WWP2: variants seen among roughly 807,000 people sequenced by gnomAD.
The protein encoded by WWP2 is NEDD4-like E3 ubiquitin-protein ligase WWP2.
In WWP2, 57 loss-of-function variants were observed where a neutral mutation model predicts 121.0. That is an observed-to-expected ratio of 0.47 (90% CI 0.38 to 0.59). The LOEUF (loss-of-function observed/expected upper bound fraction) is 0.59, where lower values mean the gene tolerates loss of function less well. Ranked by LOEUF, WWP2 falls within the 20% of genes least tolerant of loss-of-function variation. WWP2 has a pLI of 0.00. For synonymous variants in WWP2, 449 were observed against 441.3 expected (o/e 1.02, Z -0.22); for missense variants, 962 against 1,158.9 (o/e 0.83, Z 2.47).
At chr16:69,814,833 T>A (rs2056459472) in intron 4 of WWP2, among the ~76,000 whole-genome samples, 1 of 152,102 alleles carries the variant, frequency 6.6e-6, no homozygotes, top group Admixed American at 6.6e-5. Flanking sequence ...TATTTTAAAG[T>A]AAACACAGCA....
At position 69,933,376 on chromosome 16, in the gene WWP2, G is replaced by A. The variant is rs73576178; in HGVS notation, c.1683-594G>A. Among the ~76,000 whole-genome samples, 585 of 152,300 alleles carry A rather than the reference G, an allele frequency of 3.8e-3. 2 individuals are homozygous for A. The highest frequency in any genetic ancestry group is 0.013 in the African/African-American group (556 of 41,550). The stretch of plus-strand genomic sequence containing the variant: ...GTGTGGGAACGGGGATGGTGTTGGG[G>A]TCTGGGGGTGAAGGGAGGGCAAAGT... On this transcript the variant is annotated intron_variant, in intron 16 of 23. Transcript: ENST00000359154.
intron 6 of WWP2, among the ~76,000 whole-genome samples, chr16:69,870,090 A>G (rs980473900): frequency 6.6e-6 from 1 of 152,112 alleles, no homozygotes; most frequent in Non-Finnish European, 1.5e-5. Flanking sequence ...TCTTTGCATC[A>G]TTTGGCTTAC....
At chr16:69,862,441 A>C (rs879939301) in intron 6 of WWP2, among the ~76,000 whole-genome samples, 2 of 150,956 alleles carry the variant, frequency 1.3e-5, no homozygotes, top group Non-Finnish European at 3.0e-5. Context: ...CTCTCAGCTC[A>C]CTGCAGCCTC....
At chr16:69,907,694 G>A (rs982002585) in intron 8 of WWP2, among the ~76,000 whole-genome samples, 4 of 152,186 alleles carry the variant, frequency 2.6e-5, no homozygotes, top group Non-Finnish European at 5.9e-5. Context: ...TCGGGCTTGT[G>A]TATTATCTCT....
At chr16:69,922,153 G>A (rs1597164713) in intron 10 of WWP2, among the ~76,000 whole-genome samples, 2 of 148,336 alleles carry the variant, frequency 1.3e-5, no homozygotes, top group South Asian at 2.1e-4. Context: ...TTGCATTATC[G>A]AGAAACAGAC....
At chr16:69,843,625 T>G (rs1388082365) in intron 6 of WWP2, among the ~76,000 whole-genome samples, 2 of 152,118 alleles carry the variant, frequency 1.3e-5, no homozygotes, top group Non-Finnish European at 2.9e-5. Flanking sequence ...CCAGCTCTTT[T>G]GGAAGATCAA....
chr16:69,774,047 GT>G (rs34176259), intron 1 of WWP2, among the ~76,000 whole-genome samples: 12,213 of 150,660 alleles, frequency 0.081, 610 homozygotes, highest in South Asian at 0.21. Flanking sequence ...GGTCAGTGTT[GT>G]TTTTTTTTAA....
intron 4 of WWP2, among the ~76,000 whole-genome samples, chr16:69,806,163 T>C (rs2056270416): frequency 6.6e-6 from 1 of 152,236 alleles, no homozygotes; most frequent in Admixed American, 6.5e-5. Flanking sequence ...ATTGTGCCAG[T>C]GCACTCTAGG....
chr16:69,935,711 C>T lies in WWP2; in HGVS notation c.1843-142C>T, dbSNP rs998027555. 18 of 1,245,314 alleles carry T rather than the reference C, an allele frequency of 1.4e-5. No homozygotes were observed. The East Asian group carries it at 1.6e-4, about 11-fold the overall frequency. 77.1% of individuals were successfully genotyped at this position (1,245,314 alleles called of 1,614,324 possible). On this transcript the variant is annotated intron_variant, in intron 17 of 23. Coordinates refer to ENST00000359154, the MANE Select transcript of WWP2 (RefSeq NM_001270454.2). The surrounding 1 kb of genome is among the most constrained non-coding windows in gnomAD (Gnocchi z 5.2). ...GTTTACTCCTGAGGCCCTCCCGCTG[C>T]GTCCGAGGCAGCTGCTGCTGTAGTT...
At chr16:69,881,235 G>A (rs1260583142) in intron 7 of WWP2, among the ~76,000 whole-genome samples, 2 of 152,016 alleles carry the variant, frequency 1.3e-5, no homozygotes, top group East Asian at 1.9e-4. Flanking sequence ...AGCTGTCTTC[G>A]CTCCCCACGC....
In WWP2 at chr16:69,840,069, T is replaced by C. The variant is rs1345241975; in HGVS notation, c.341-57T>C. 4 of 1,597,582 alleles carry C rather than the reference T, an allele frequency of 2.5e-6. No individual in the cohort carries two copies. In the East Asian group the frequency reaches 9.0e-5, roughly 36 times the overall value. ...AAATGAAAGCTTCTAATTTAGAGAA[T>C]CTTAACTTGGGGTGCATTCTCTTTA... On this transcript the variant is annotated intron_variant, in intron 4 of 23. Transcript: ENST00000359154.
At chr16:69,776,552 G>A (rs984174778) in intron 1 of WWP2, among the ~76,000 whole-genome samples, 22 of 152,252 alleles carry the variant, frequency 1.4e-4, no homozygotes, top group African/African-American at 4.8e-4. Flanking sequence ...ATAATAGGCC[G>A]GGCGCAGTGG....
At chr16:69,858,612 T>C (rs745911829) in intron 6 of WWP2, among the ~76,000 whole-genome samples, 1 of 152,168 alleles carries the variant, frequency 6.6e-6, no homozygotes, top group Non-Finnish European at 1.5e-5. Flanking sequence ...TCTGTTTTTT[T>C]CTTCATGATT....
intron 6 of WWP2, among the ~76,000 whole-genome samples, chr16:69,848,888 AT>A (rs2057143352): frequency 6.6e-6 from 1 of 151,966 alleles, no homozygotes. Context: ...TTTCCCAGTG[AT>A]TTTTTTACAT....
intron 8 of WWP2, among the ~76,000 whole-genome samples, chr16:69,902,471 CA>C (rs1232129985): frequency 6.6e-6 from 1 of 152,104 alleles, no homozygotes; most frequent in Non-Finnish European, 1.5e-5. Context: ...GTCCATGATC[CA>C]ACCAAATGTT....
At chr16:69,875,663 C>G (rs2057722655) in intron 7 of WWP2, among the ~76,000 whole-genome samples, 2 of 152,238 alleles carry the variant, frequency 1.3e-5, no homozygotes, top group Non-Finnish European at 2.9e-5. Flanking sequence ...CAAGAAACTG[C>G]TTTCTTTGCT....
intron 6 of WWP2, among the ~76,000 whole-genome samples, chr16:69,864,918 A>G (rs2057492236): frequency 6.7e-6 from 1 of 149,596 alleles, no homozygotes; most frequent in Non-Finnish European, 1.5e-5. Flanking sequence ...AGCCTAAAAA[A>G]CTTTGTCAAT....
intron 19 of WWP2, 143 bp from the exon 20 acceptor site, chr16:69,936,975 T>C: frequency 8.6e-7 from 1 of 1,164,894 alleles, no homozygotes; most frequent in Non-Finnish European, 1.2e-6. Flanking sequence ...TCACTCTAGG[T>C]CCTCCAGCAG....
intron 9 of WWP2, among the ~76,000 whole-genome samples, chr16:69,915,217 GAAAA>G (rs1353812146): frequency 6.6e-6 from 1 of 152,128 alleles, no homozygotes; most frequent in African/African-American, 2.4e-5. Context: ...CCAGAAAAAA[GAAAA>G]AAGTTGTTAC....
Sources: gnomAD v4.1 joint callset for allele counts (sites outside exome capture counted in the v4.1 genomes callset) on GRCh38, gnomAD v4.1.1 for gene constraint, Gnocchi (gnomAD v3.1) non-coding constraint, MANE v1.5 for transcripts, NCBI Gene and HGNC (gene_info 2026-07-23, HGNC 2026-07-21) for gene names.